The following PCDHA4 variants were observed in gnomAD, a reference collection of about 807,000 sequenced individuals.
PCDHA4 encodes the protein protocadherin alpha 4, also known as protocadherin alpha-4.
Under a neutral mutation model 61.4 loss-of-function variants are expected in PCDHA4, and 49 were observed. The ratio of observed to expected loss-of-function variants is 0.80; its 90% CI spans 0.63 to 1.01. The LOEUF (loss-of-function observed/expected upper bound fraction) is 1.01. Ranked by LOEUF, PCDHA4 falls within the 50% of genes least tolerant of loss-of-function variation. The pLI is 0.00. For synonymous variants in PCDHA4, 590 were observed against 550.3 expected (o/e 1.07, Z -1.01); for missense variants, 1,254 against 1,235.8 (o/e 1.01, Z -0.22).
intron 1 of PCDHA4, among the ~76,000 whole-genome samples, chr5:140,878,707 A>C (rs1450914173): frequency 2.0e-5 from 3 of 152,232 alleles, no homozygotes; most frequent in Non-Finnish European, 4.4e-5. Context: ...GCCTGGTAGT[A>C]AAGGCATTAA....
At chr5:140,897,762 A>G (rs572488219) in intron 1 of PCDHA4, among the ~76,000 whole-genome samples, 1 of 152,324 alleles carries the variant, frequency 6.6e-6, no homozygotes, top group East Asian at 1.9e-4. Flanking sequence ...AGGAATCGCC[A>G]CACTGACTTC....
chr5:140,834,243 A>T, intron 1 of PCDHA4: 1 of 838,028 alleles, frequency 1.2e-6, no homozygotes, highest in Non-Finnish European at 1.9e-6. Context: ...TCCTTTTCGC[A>T]CTGGAAAGAC....
At chr5:140,824,529 G>A (rs1463517451) in intron 1 of PCDHA4, 2 of 197,184 alleles carry the variant, frequency 1.0e-5, no homozygotes, top group South Asian at 1.2e-4. Flanking sequence ...ATAGCTCACC[G>A]AAGCCTGAAA....
At position 140,851,655 on chromosome 5, in the gene PCDHA4, T is replaced by C. The variant is rs1554145502; in HGVS notation, c.2385+42083T>C. 3 of 911,452 alleles carry C rather than the reference T, an allele frequency of 3.3e-6. No individual in the cohort carries two copies. In the African/African-American group the frequency reaches 5.4e-5, roughly 16 times the overall value. 56.5% of individuals were successfully genotyped at this position (911,452 alleles called of 1,614,324 possible). ...GTGTTTCCTTTCTTCAAGAAGACAT[T>C]CTCCTTTTAATTGAAATTTTCTCCA... On this transcript the variant is annotated intron_variant, in intron 1 of 3. Transcript: ENST00000530339.
At chr5:140,927,447 G>A (rs1563092229) in intron 1 of PCDHA4, 7 of 1,613,982 alleles carry the variant, frequency 4.3e-6, no homozygotes, top group Non-Finnish European at 5.1e-6. Flanking sequence ...ACCCGGAGTT[G>A]GTGTTGGAGA....
At position 141,010,020 on chromosome 5, in the gene PCDHA4, TTCCTA is replaced by T. The variant is rs1554262638; in HGVS notation, c.*86_*90del. 6.4e-7 allele frequency: 1 copy of T among 1,572,330 alleles called. No individual in the cohort carries two copies. Among genetic ancestry groups the T allele is most frequent in the Non-Finnish European group, 8.6e-7 (1 of 1,163,268 alleles). On this transcript the variant is annotated 3_prime_UTR_variant, in exon 4 of 4. Coordinates refer to ENST00000530339, the MANE Select transcript of PCDHA4 (RefSeq NM_018907.4). ...CCATGTAGCAATTCCCTGCTCCTTT[TTCCTA>T]TCTACATGAGCCCTCTTAGAGACCT...
Position 140,875,692 on chromosome 5 carries a change from C to G in PCDHA4, c.2385+66120C>G, listed in dbSNP as rs781893034. On this transcript the variant is annotated intron_variant, in intron 1 of 3. Coordinates refer to ENST00000530339, the MANE Select transcript of PCDHA4 (RefSeq NM_018907.4). ...GGTGGCGTCCAAAAGACACGGGGAC[C>G]TTCTGGAGGTAAATCTGCAGAATGG... The G allele has an allele frequency of 3.7e-6, 6 of 1,613,938 alleles. No individual in the cohort carries two copies. In the African/African-American group the frequency reaches 5.3e-5, roughly 14 times the overall value.
At chr5:140,823,716 G>T (rs2150128476) in intron 1 of PCDHA4, 2 of 1,613,960 alleles carry the variant, frequency 1.2e-6, no homozygotes, top group Admixed American at 3.3e-5. Flanking sequence ...ACCGCCTTCT[G>T]GTGCTGGTGA....
rs367885958 is a variant in PCDHA4, at chr5:140,884,427, C to G, written c.2385+74855C>G. The G allele has an allele frequency of 2.5e-5, 40 of 1,613,840 alleles. No individual in the cohort carries two copies. The African/African-American group carries it at 5.1e-4, about 20-fold the overall frequency. ...GTGCTCACGTTGCTGCTGTATACTG[C>G]GCTGCGGTGCTCGGCACCGCCCACC... is the stretch of plus-strand genomic sequence containing the variant. On this transcript the variant is annotated intron_variant, in intron 1 of 3. Coordinates refer to ENST00000530339, the MANE Select transcript of PCDHA4 (RefSeq NM_018907.4).
intron 1 of PCDHA4, among the ~76,000 whole-genome samples, chr5:140,946,757 C>T (rs1179265601): frequency 6.6e-6 from 1 of 151,268 alleles, no homozygotes; most frequent in Non-Finnish European, 1.5e-5. Context: ...ACTGCATGAT[C>T]TCATTCATGT....
chr5:140,833,342 T>C (rs183757705), intron 1 of PCDHA4, among the ~76,000 whole-genome samples: 3 of 152,278 alleles, frequency 2.0e-5, no homozygotes, highest in Admixed American at 2.0e-4. Flanking sequence ...GAGTGAAACA[T>C]TCCAGAAAAC....
chr5:140,857,821 T>C, intron 1 of PCDHA4: 2 of 1,597,642 alleles, frequency 1.3e-6, no homozygotes, highest in South Asian at 2.2e-5. Flanking sequence ...ACGTGGTGGC[T>C]AAGGTGCGCG....
chr5:140,945,022 A>G (rs926595272), intron 1 of PCDHA4, among the ~76,000 whole-genome samples: 2 of 152,140 alleles, frequency 1.3e-5, no homozygotes, highest in Non-Finnish European at 2.9e-5. Flanking sequence ...TTTTTTACTC[A>G]GACATAATTA....
At chr5:140,929,160 T>G in intron 1 of PCDHA4, 1 of 1,614,130 alleles carries the variant, frequency 6.2e-7, no homozygotes, top group East Asian at 2.2e-5. Context: ...CTTATCTCTA[T>G]CGGGCCTCTC....
chr5:140,821,779 G>C, intron 1 of PCDHA4: 2 of 1,609,366 alleles, frequency 1.2e-6, no homozygotes, highest in Non-Finnish European at 1.7e-6. Context: ...GATTGAGATG[G>C]TATATTCCCG....
chr5:140,969,149 G>C (rs782510891), intron 1 of PCDHA4: 3 of 1,614,120 alleles, frequency 1.9e-6, no homozygotes, highest in South Asian at 1.1e-5. Context: ...CTGCTACAAG[G>C]CCTGTCTGAC....
chr5:140,969,110 C>T (rs1380719565), intron 1 of PCDHA4: 5 of 1,614,064 alleles, frequency 3.1e-6, no homozygotes, highest in Non-Finnish European at 3.4e-6. Flanking sequence ...CATTGAAGTT[C>T]GAGGGAATGG....
intron 3 of PCDHA4, among the ~76,000 whole-genome samples, chr5:140,984,059 C>A (rs1269975627): frequency 6.6e-6 from 1 of 152,108 alleles, no homozygotes; most frequent in East Asian, 1.9e-4. Flanking sequence ...CAAATCTGTA[C>A]CCTCAGTGCC....
chr5:140,899,672 T>C (rs1280165974), intron 1 of PCDHA4, among the ~76,000 whole-genome samples: 1 of 152,218 alleles, frequency 6.6e-6, no homozygotes, highest in Non-Finnish European at 1.5e-5. Flanking sequence ...CCGGCTTTGG[T>C]ATCAGGATGA....
Sources: gnomAD v4.1 joint callset for allele counts (sites outside exome capture counted in the v4.1 genomes callset) on GRCh38, gnomAD v4.1.1 for gene constraint, MANE v1.5 for transcripts, NCBI Gene and HGNC (gene_info 2026-07-23, HGNC 2026-07-21) for gene names.